LRIG1: variants seen among roughly 807,000 people sequenced by gnomAD.
LRIG1 encodes the protein leucine-rich repeats and immunoglobulin-like domains protein 1.
Under a neutral mutation model 99.2 loss-of-function variants are expected in LRIG1, and 48 were observed. The observed-to-expected ratio is 0.48, with a 90% CI of 0.38 to 0.62. The LOEUF is 0.62. Ranked by LOEUF, LRIG1 falls within the 20% of genes least tolerant of loss-of-function variation. The pLI, the probability that LRIG1 is intolerant of heterozygous loss-of-function variation, is 0.00. For missense variants in LRIG1, 1,646 were observed against 1,434.4 expected (o/e 1.15, Z -2.38); for synonymous variants, 772 against 596.1 (o/e 1.29, Z -4.30).
At chr3:66,483,178 T>A (rs1700890212) in intron 1 of LRIG1, among the ~76,000 whole-genome samples, 1 of 152,042 alleles carries the variant, frequency 6.6e-6, no homozygotes, top group South Asian at 2.1e-4. Context: ...AAAAGAAACA[T>A]GTGAGGCTGA....
chr3:66,401,279 G>T (rs140820864), intron 9 of LRIG1, among the ~76,000 whole-genome samples: 1 of 152,096 alleles, frequency 6.6e-6, no homozygotes, highest in Non-Finnish European at 1.5e-5. Flanking sequence ...CACAAAACTC[G>T]CCAGCAAGTA....
chr3:66,417,358 T>C (rs777008721), intron 3 of LRIG1, 92 bp from the exon 4 acceptor site: 3 of 1,295,134 alleles, frequency 2.3e-6, no homozygotes, highest in South Asian at 1.3e-5. Flanking sequence ...CCCACCAATA[T>C]AACTACAATG....
chr3:66,465,097 C>T (rs1272360285), intron 1 of LRIG1, among the ~76,000 whole-genome samples: 1 of 152,168 alleles, frequency 6.6e-6, no homozygotes, highest in Non-Finnish European at 1.5e-5. Flanking sequence ...GGTAACTCTC[C>T]TCTCAGAGCA....
chr3:66,473,789 G>A (rs866972458), intron 1 of LRIG1, among the ~76,000 whole-genome samples: 4 of 152,232 alleles, frequency 2.6e-5, no homozygotes, highest in South Asian at 2.1e-4. Flanking sequence ...AAGGTCAGCC[G>A]TCTGGCCCAC....
intron 2 of LRIG1, among the ~76,000 whole-genome samples, chr3:66,452,818 AAGCTTGGCAATTACTG>A (rs1339328518): frequency 2.0e-5 from 3 of 152,208 alleles, no homozygotes; most frequent in African/African-American, 7.2e-5. Flanking sequence ...GTTAGGGATG[AAGCTTGGCAATTACTG>A]GGCTGTGGGA....
At chr3:66,417,048 A>C (rs1447496807) in intron 4 of LRIG1, 81 bp downstream of exon 4, 2 of 1,551,366 alleles carry the variant, frequency 1.3e-6, no homozygotes, top group Non-Finnish European at 1.8e-6. Flanking sequence ...TCCCTCCTGC[A>C]TCCAGAACTG....
chr3:66,407,077 C>T (rs540232721), intron 8 of LRIG1, among the ~76,000 whole-genome samples: 2 of 152,240 alleles, frequency 1.3e-5, no homozygotes, highest in East Asian at 3.9e-4. Context: ...TCCAGCACAA[C>T]GTGGGCATCA....
chr3:66,483,514 CT>C (rs1700898714), intron 1 of LRIG1, among the ~76,000 whole-genome samples: 1 of 152,262 alleles, frequency 6.6e-6, no homozygotes, highest in Admixed American at 6.5e-5. Flanking sequence ...AGCAGTCTTT[CT>C]CTCTGCCAGC....
In LRIG1 at chr3:66,407,350, G is replaced by A. The variant is rs748575267; in HGVS notation, c.1077C>T (p.Val359=). ...GAFKGLRSLR[V]LDLDHNEISG... Reference sequence around the variant, plus strand: ...CCTGTCAGTAGTGGGAGACGTACAAGACTCGCAGGCTCCTGAGTCCCTTGA... The same window carrying A: ...CCTGTCAGTAGTGGGAGACGTACAAAACTCGCAGGCTCCTGAGTCCCTTGA... Residue 359 remains valine, a splice_region_variant and synonymous_variant, in exon 8 of 19, where the codon GTC becomes GTT. Coordinates refer to ENST00000273261, the MANE Select transcript of LRIG1 (RefSeq NM_015541.3). 2 of 1,614,086 alleles carry A rather than the reference G, an allele frequency of 1.2e-6. No individual in the cohort carries two copies. Among genetic ancestry groups the A allele is most frequent in the South Asian group, 2.2e-5 (2 of 91,074 alleles).
intron 12 of LRIG1, among the ~76,000 whole-genome samples, chr3:66,393,489 G>A (rs1701706364): frequency 6.6e-6 from 1 of 152,208 alleles, no homozygotes. Context: ...CCGACTCCCA[G>A]TCAAAAAGAT....
intron 3 of LRIG1, among the ~76,000 whole-genome samples, chr3:66,428,867 C>T (rs906731721): frequency 1.3e-5 from 2 of 152,234 alleles, no homozygotes; most frequent in Non-Finnish European, 2.9e-5. Context: ...CTCTCTCTTG[C>T]TTGTTCCCTC....
At chr3:66,444,189 C>A (rs1321427479) in intron 3 of LRIG1, among the ~76,000 whole-genome samples, 1 of 152,234 alleles carries the variant, frequency 6.6e-6, no homozygotes, top group African/African-American at 2.4e-5. Flanking sequence ...AGGGCTCCTG[C>A]CACGTTGGGC....
chr3:66,450,607 T>C (rs1195954457), intron 3 of LRIG1, among the ~76,000 whole-genome samples: 1 of 152,212 alleles, frequency 6.6e-6, no homozygotes, highest in Non-Finnish European at 1.5e-5. Context: ...ATCCGAGATC[T>C]GTAAGCTATG....
chr3:66,439,683 C>T (rs2106771834), intron 3 of LRIG1, among the ~76,000 whole-genome samples: 1 of 151,960 alleles, frequency 6.6e-6, no homozygotes, highest in Middle Eastern at 3.4e-3. Context: ...TTTTTTCCAC[C>T]ATCATGGTGG....
At chr3:66,400,272 G>C (rs1230216644) in intron 9 of LRIG1, among the ~76,000 whole-genome samples, 7 of 152,194 alleles carry the variant, frequency 4.6e-5, no homozygotes, top group African/African-American at 1.7e-4. Context: ...GAAGCCCCTA[G>C]GGTGGACACT....
chr3:66,408,793 G>A (rs993257325), intron 7 of LRIG1, among the ~76,000 whole-genome samples: 9 of 152,174 alleles, frequency 5.9e-5, no homozygotes, highest in Admixed American at 2.0e-4. Flanking sequence ...GCCCTGAAGC[G>A]TAGGAAGCTG....
At chr3:66,464,848 A>G (rs1021320669) in intron 1 of LRIG1, among the ~76,000 whole-genome samples, 6 of 152,196 alleles carry the variant, frequency 3.9e-5, no homozygotes, top group African/African-American at 1.4e-4. Flanking sequence ...AAATGTATTC[A>G]CATTTCAAAA....
At chr3:66,463,757 G>A (rs1447266206) in intron 1 of LRIG1, among the ~76,000 whole-genome samples, 1 of 152,220 alleles carries the variant, frequency 6.6e-6, no homozygotes, top group Non-Finnish European at 1.5e-5. Context: ...GTCTCAGAAA[G>A]TGTCACGTAT....
intron 1 of LRIG1, among the ~76,000 whole-genome samples, chr3:66,480,273 A>G (rs1700818104): frequency 6.6e-6 from 1 of 152,242 alleles, no homozygotes; most frequent in South Asian, 2.1e-4. Flanking sequence ...CTATAGAGAC[A>G]GAAAGTAGAT....
Sources: gnomAD v4.1 joint callset for allele counts (sites outside exome capture counted in the v4.1 genomes callset) on GRCh38, gnomAD v4.1.1 for gene constraint, MANE v1.5 for transcripts, NCBI Gene and HGNC (gene_info 2026-07-23, HGNC 2026-07-21) for gene names.